NRXN3: variants seen among roughly 807,000 people sequenced by gnomAD.
NRXN3 encodes neurexin 3.
A neutral mutation model predicts 137.6 loss-of-function variants in NRXN3; 32 were observed. That is an observed-to-expected ratio of 0.23 (90% CI 0.18 to 0.31). The LOEUF is 0.31. Among genes scored for constraint, NRXN3 ranks in the 10% least tolerant of loss-of-function variants. The pLI is 1.00. For synonymous variants in NRXN3, 798 were observed against 784.5 expected, an observed-to-expected ratio of 1.02 and a Z score of -0.29; for missense variants, 1,574 against 2,062.5, an observed-to-expected ratio of 0.76 and a Z score of 4.59.
At chr14:78,305,266 T>C (rs2077253307) in intron 4 of NRXN3, among the ~76,000 whole-genome samples, 1 of 152,092 alleles carries the variant, frequency 6.6e-6, no homozygotes, top group Non-Finnish European at 1.5e-5. Context: ...CTGACATCTT[T>C]AATAACGATC....
chr14:78,910,196 T>C (rs1211346700), intron 10 of NRXN3, among the ~76,000 whole-genome samples: 1 of 152,034 alleles, frequency 6.6e-6, no homozygotes, highest in Non-Finnish European at 1.5e-5. Context: ...TTACTTCCAT[T>C]GTAGATATAG....
chr14:78,242,537 G>A lies in NRXN3; in HGVS notation c.-557G>A, dbSNP rs58112764. 0.027 allele frequency: 4,166 copies of A among 153,548 alleles called. 201 individuals carry two copies. Among genetic ancestry groups the A allele is most frequent in the African/African-American group, 0.093 (3,846 of 41,494 alleles). The allele number at this position is 153,548 out of a possible 1,614,324, so 9.5% of individuals were successfully genotyped here. A position where few individuals can be genotyped will look rare whatever the true frequency, so the allele number is the denominator to read the frequency against. ...GCTGCCCCCCTCCCCACAGCCTGCC[G>A]CTGCTAGGAGGTAGAACTTTAGGAG... On this transcript the variant is annotated 5_prime_UTR_variant, in exon 2 of 21. Coordinates refer to ENST00000335750, the MANE Select transcript of NRXN3 (RefSeq NM_001330195.2).
chr14:78,399,346 G>A (rs118164450), intron 4 of NRXN3, among the ~76,000 whole-genome samples: 5,575 of 152,170 alleles, frequency 0.037, 156 homozygotes, highest in Middle Eastern at 0.068. Context: ...TTAATAGAAG[G>A]AATAGAAACA....
At chr14:79,054,945 G>C (rs957504592) in intron 15 of NRXN3, among the ~76,000 whole-genome samples, 1 of 152,172 alleles carries the variant, frequency 6.6e-6, no homozygotes, top group Non-Finnish European at 1.5e-5. Context: ...GCAGGGTTCA[G>C]TTAAAGTGGA....
rs1472264724 is a variant in NRXN3, at chr14:79,298,868, G to A, written c.3263-168353G>A. On this transcript the variant is annotated intron_variant, in intron 15 of 20. Transcript: ENST00000335750. ...CTTAGTTCTGAGTAGGTGACCATCA[G>A]AGGAAGAAGTGAGGATGCTGCTTAA... The A allele has an allele frequency of 5.3e-5, 8 of 152,322 alleles. No individual in the cohort carries two copies. The East Asian group carries it at 1.2e-3, about 22-fold the overall frequency. The allele number at this position is 152,322 out of a possible 1,614,324, so 9.4% of individuals were successfully genotyped here.
chr14:78,625,845 A>G (rs1259899622), intron 4 of NRXN3, among the ~76,000 whole-genome samples: 1 of 152,210 alleles, frequency 6.6e-6, no homozygotes, highest in Non-Finnish European at 1.5e-5. Flanking sequence ...ACAGGGCAGT[A>G]GTAAAGAGTG....
At chr14:79,842,661 G>A (rs1035262893) in intron 20 of NRXN3, among the ~76,000 whole-genome samples, 1 of 151,446 alleles carries the variant, frequency 6.6e-6, no homozygotes, top group African/African-American at 2.4e-5. Flanking sequence ...GATTCTATGA[G>A]ATATATATAT....
chr14:78,419,066 C>T (rs1244478717), intron 4 of NRXN3, among the ~76,000 whole-genome samples: 2 of 152,154 alleles, frequency 1.3e-5, no homozygotes, highest in Non-Finnish European at 2.9e-5. Flanking sequence ...GCCTCAGTTA[C>T]CCCTCAGCAC....
intron 15 of NRXN3, among the ~76,000 whole-genome samples, chr14:79,248,196 C>G (rs531440294): frequency 1.3e-5 from 2 of 152,176 alleles, no homozygotes; most frequent in Non-Finnish European, 2.9e-5. Flanking sequence ...CTTCAATGAC[C>G]TCGGCTTACA....
chr14:78,868,776 G>A (rs920600034), intron 10 of NRXN3, among the ~76,000 whole-genome samples: 2 of 151,860 alleles, frequency 1.3e-5, no homozygotes, highest in Non-Finnish European at 2.9e-5. Flanking sequence ...AGCCGAGATT[G>A]CACCATTGCA....
At chr14:78,572,186 T>C (rs2096896036) in intron 4 of NRXN3, among the ~76,000 whole-genome samples, 1 of 152,226 alleles carries the variant, frequency 6.6e-6, no homozygotes, top group Non-Finnish European at 1.5e-5. Context: ...ACTGACATGA[T>C]ACTGAGCTGC....
chr14:79,808,586 C>G lies in NRXN3; in HGVS notation c.4093+3396C>G, dbSNP rs535954660. 1.1e-4 allele frequency among the ~76,000 whole-genome samples: 16 copies of G among 152,172 alleles called. No individual in the cohort carries two copies. In the South Asian group the frequency reaches 3.1e-3, roughly 30 times the overall value. On this transcript the variant is annotated intron_variant, in intron 20 of 20. Coordinates refer to ENST00000335750, the MANE Select transcript of NRXN3 (RefSeq NM_001330195.2). ...TTTGGCTAACTTCCTTGGCCTTGTT[C>G]TATCATACTTACTACTTTATCTTCT... is the stretch of plus-strand genomic sequence containing the variant.
At chr14:78,873,361 A>G (rs775682895) in intron 10 of NRXN3, among the ~76,000 whole-genome samples, 33 of 152,224 alleles carry the variant, frequency 2.2e-4, no homozygotes, top group Non-Finnish European at 4.4e-4. Context: ...ATACAGATAG[A>G]AAGCTTGTGT....
chr14:78,401,012 G>A (rs2091995483), intron 4 of NRXN3, among the ~76,000 whole-genome samples: 3 of 152,138 alleles, frequency 2.0e-5, no homozygotes, highest in Admixed American at 2.0e-4. Flanking sequence ...ATCTGGTGAG[G>A]ACCCTGTTCC....
rs114064708 is a variant in NRXN3 at position 78,275,405 on chromosome 14, A to G, written c.710-3240A>G. ...CTTTTAGTATCTCCATTTATACATG[A>G]TAAGTTTGAGGCTCAGAGAAGCTAA... On this transcript the variant is annotated intron_variant, in intron 2 of 20. Coordinates refer to ENST00000335750, the MANE Select transcript of NRXN3 (RefSeq NM_001330195.2). Among the ~76,000 whole-genome samples, 387 of 152,246 alleles carry G rather than the reference A, an allele frequency of 2.5e-3. 1 individual carries two copies. Among genetic ancestry groups the G allele is most frequent in the African/African-American group, 8.3e-3 (343 of 41,566 alleles).
chr14:79,077,619 G>T (rs1040159486), intron 15 of NRXN3, among the ~76,000 whole-genome samples: 2 of 152,146 alleles, frequency 1.3e-5, no homozygotes, highest in East Asian at 3.9e-4. Context: ...TCACAAATGA[G>T]TAAGGTTGAA....
rs185194223 is a variant in NRXN3 at position 78,229,690 on chromosome 14, C to T, written c.-703-12701C>T. On this transcript the variant is annotated intron_variant, in intron 1 of 20. Transcript: ENST00000335750. ...GATCGACTCTGTGCCAGGCACTAAA[C>T]CTACCATCGTTCTAAGCTCTGCAGG... Among the ~76,000 whole-genome samples the T allele has an allele frequency of 2.0e-3, 299 of 152,334 alleles. 2 individuals are homozygous for T. The highest frequency in any genetic ancestry group is 6.9e-3 in the African/African-American group (288 of 41,564).
chr14:78,834,239 C>G (rs563457374), intron 10 of NRXN3, among the ~76,000 whole-genome samples: 1 of 151,960 alleles, frequency 6.6e-6, no homozygotes. Context: ...GATGTGATTC[C>G]GTTATGTATT....
chr14:79,504,674 T>TATATATATATATATATATATA (rs1464757508), intron 16 of NRXN3, among the ~76,000 whole-genome samples: 1 of 143,464 alleles, frequency 7.0e-6, no homozygotes, highest in African/African-American at 2.6e-5. Flanking sequence ...TATATATATA[T>TATATATATATATATATATATA]AAAACATTAC....
Sources: gnomAD v4.1 joint callset for allele counts (sites outside exome capture counted in the v4.1 genomes callset) on GRCh38, gnomAD v4.1.1 for gene constraint, MANE v1.5 for transcripts, NCBI Gene and HGNC (gene_info 2026-07-23, HGNC 2026-07-21) for gene names.